PARVA: variants seen among roughly 807,000 people sequenced by gnomAD.
The protein encoded by PARVA is alpha-parvin.
A neutral mutation model predicts 52.6 loss-of-function variants in PARVA; 25 were observed. The ratio of observed to expected loss-of-function variants is 0.48; its 90% CI spans 0.35 to 0.66. The LOEUF (loss-of-function observed/expected upper bound fraction) is 0.66, where lower values mean the gene tolerates loss of function less well. PARVA is among the 30% of genes least tolerant of loss of function. The pLI, the probability that PARVA is intolerant of heterozygous loss-of-function variation, is 0.01. For synonymous variants in PARVA, 185 were observed against 179.1 expected, an observed-to-expected ratio of 1.03 and a Z score of -0.26; for missense variants, 373 against 450.9, an observed-to-expected ratio of 0.83 and a Z score of 1.56.
At chr11:12,513,617 C>T (rs1319143419) in intron 9 of PARVA, 3 of 642,298 alleles carry the variant, frequency 4.7e-6, no homozygotes, top group East Asian at 2.8e-5. Flanking sequence ...CAGCCTTCCC[C>T]ACTCCTCACA....
intron 1 of PARVA, among the ~76,000 whole-genome samples, chr11:12,441,151 A>G (rs769050798): frequency 3.9e-5 from 6 of 152,198 alleles, no homozygotes; most frequent in Non-Finnish European, 8.8e-5. Flanking sequence ...CATAATCCAC[A>G]GAGGCCCCAG....
chr11:12,492,528 T>C (rs1261346269), intron 4 of PARVA, among the ~76,000 whole-genome samples: 1 of 152,024 alleles, frequency 6.6e-6, no homozygotes, highest in Non-Finnish European at 1.5e-5. Context: ...TATTAAGCTA[T>C]AGAAATATTA....
chr11:12,434,999 C>T (rs1940368004), intron 1 of PARVA, among the ~76,000 whole-genome samples: 1 of 152,170 alleles, frequency 6.6e-6, no homozygotes, highest in South Asian at 2.1e-4. Context: ...CCGTATTCAC[C>T]AAATGTCTTG....
intron 5 of PARVA, among the ~76,000 whole-genome samples, chr11:12,500,863 C>T (rs549219403): frequency 2.0e-5 from 3 of 152,006 alleles, no homozygotes; most frequent in South Asian, 4.2e-4. Flanking sequence ...AATCCCAGCA[C>T]TTTGGGAGGC....
At chr11:12,401,839 T>G (rs1939832667) in intron 1 of PARVA, among the ~76,000 whole-genome samples, 1 of 152,250 alleles carries the variant, frequency 6.6e-6, no homozygotes, top group African/African-American at 2.4e-5. Flanking sequence ...CAATACTTAC[T>G]GCACAGTAGC....
chr11:12,503,459 G>A (rs911600640), intron 5 of PARVA, among the ~76,000 whole-genome samples: 1 of 152,068 alleles, frequency 6.6e-6, no homozygotes, highest in African/African-American at 2.4e-5. Context: ...GAGCTGATCT[G>A]AGCTCAGAGC....
At chr11:12,432,806 T>C (rs7104630) in intron 1 of PARVA, among the ~76,000 whole-genome samples, 27,980 of 152,136 alleles carry the variant, frequency 0.18, 4,701 homozygotes, top group African/African-American at 0.45. Context: ...AAGCCAGGCA[T>C]AGCCATTGTA....
At chr11:12,444,366 A>G (rs576661412) in intron 1 of PARVA, among the ~76,000 whole-genome samples, 1 of 152,290 alleles carries the variant, frequency 6.6e-6, no homozygotes, top group South Asian at 2.1e-4. Context: ...AGCTTAGACA[A>G]TTAATACTCA....
At position 12,474,778 on chromosome 11, in the gene PARVA, G is replaced by T. The variant is rs139222397; in HGVS notation, c.297+795G>T. On this transcript the variant is annotated intron_variant, in intron 3 of 12. Transcript: ENST00000334956. ...AAAGTAGCCAAGTGTGGTGGCGCAT[G>T]ACTGTAATCCCAGACCATCTCTACT... Among the ~76,000 whole-genome samples, 268 of 151,004 alleles carry T rather than the reference G, an allele frequency of 1.8e-3. 1 individual carries two copies. Among genetic ancestry groups the T allele is most frequent in the African/African-American group, 6.0e-3 (244 of 40,624 alleles).
In PARVA at chr11:12,508,628, A is replaced by G. The variant is rs937843581; in HGVS notation, c.702A>G (p.Ile234Met). The G allele has an allele frequency of 5.6e-6, 9 of 1,608,374 alleles. No individual in the cohort carries two copies. The African/African-American group carries it at 9.4e-5, about 17-fold the overall frequency. Residue 234 changes from isoleucine (I) to methionine (M), a missense_variant, in exon 7 of 13, where the codon ATA (isoleucine) becomes ATG (methionine). Coordinates refer to ENST00000334956, the MANE Select transcript of PARVA (RefSeq NM_018222.5). ...AGTCTCGGCAAATCCAAGAGGAAAT[A>G]ACTGGTAACACAGAGTATGTCAACA... Reference protein sequence around the residue: ...ILQSRQIQEEITGNTEALSGR... With the variant: ...ILQSRQIQEEMTGNTEALSGR...
chr11:12,387,684 G>A (rs981538640), intron 1 of PARVA, among the ~76,000 whole-genome samples: 2 of 151,094 alleles, frequency 1.3e-5, no homozygotes, highest in Admixed American at 1.3e-4. Flanking sequence ...GAGACCAGAG[G>A]GTCCTAGAGT....
chr11:12,377,302 C>A, upstream of PARVA: 1 of 690,962 alleles, frequency 1.4e-6, no homozygotes, highest in Non-Finnish European at 2.1e-6. Context: ...GTGGTGGGGA[C>A]AGAGCCTGGG....
In PARVA at chr11:12,529,663, C is replaced by T. The variant is rs1941747442; in HGVS notation, c.*1738C>T. On this transcript the variant is annotated 3_prime_UTR_variant, in exon 13 of 13. Coordinates refer to ENST00000334956, the MANE Select transcript of PARVA (RefSeq NM_018222.5). ...GTTAGGCCTCCTATAATGTCCAAAACATTCCTTTCAGCCTTTTTATTTCTT... is the reference window on the plus strand; with the variant it reads ...GTTAGGCCTCCTATAATGTCCAAAATATTCCTTTCAGCCTTTTTATTTCTT... 1 of 152,208 alleles carries T rather than the reference C, an allele frequency of 6.6e-6. No homozygotes were observed. The highest frequency in any genetic ancestry group is 1.9e-4 in the East Asian group (1 of 5,190). The allele number at this position is 152,208 out of a possible 1,614,324, so 9.4% of individuals were successfully genotyped here.
chr11:12,394,326 G>T (rs1939704363), intron 1 of PARVA, among the ~76,000 whole-genome samples: 1 of 152,160 alleles, frequency 6.6e-6, no homozygotes, highest in Non-Finnish European at 1.5e-5. Flanking sequence ...TAGTTGTTTT[G>T]AATCCTGCTT....
At chr11:12,377,503 G>A, upstream of PARVA, 3 of 1,426,180 alleles carry the variant, frequency 2.1e-6, no homozygotes, top group Non-Finnish European at 2.8e-6. Context: ...CGAGGGAAGG[G>A]AAAGGCGAGC....
intron 1 of PARVA, among the ~76,000 whole-genome samples, chr11:12,397,925 G>A (rs2134961830): frequency 6.6e-6 from 1 of 151,738 alleles, no homozygotes; most frequent in South Asian, 2.1e-4. Context: ...AGTCATGGAA[G>A]AGCATCCACA....
intron 4 of PARVA, among the ~76,000 whole-genome samples, chr11:12,492,834 T>TACACACAC (rs35906710): frequency 1.9e-4 from 29 of 149,990 alleles, no homozygotes; most frequent in African/African-American, 4.2e-4. Flanking sequence ...TAGTAATACA[T>TACACACAC]ACACACACAC....
rs1322176167 is a variant in PARVA, at chr11:12,477,894, T to C, written c.345T>C (p.Ile115=). The change falls in exon 4 of 13, where the codon ATT becomes ATC. Residue 115 remains isoleucine, a synonymous_variant. Transcript: ENST00000334956. ...INDVLVGERI[I]VKDLAEDLYD... ...ATGTGTTGGTTGGAGAAAGAATCAT[T>C]GTGAAAGACCTAGCTGAAGATTTGT... is the stretch of plus-strand genomic sequence containing the variant. 1 of 1,611,420 alleles carries C rather than the reference T, an allele frequency of 6.2e-7. No homozygotes were observed. Among genetic ancestry groups the C allele is most frequent in the Non-Finnish European group, 8.5e-7 (1 of 1,177,558 alleles).
At chr11:12,511,065 A>G (rs958661493) in intron 7 of PARVA, among the ~76,000 whole-genome samples, 2 of 152,090 alleles carry the variant, frequency 1.3e-5, no homozygotes, top group African/African-American at 4.8e-5. Context: ...GACAGGAGAG[A>G]GACAAAGCTG....
Sources: allele counts gnomAD v4.1 joint callset (sites outside exome capture counted in the v4.1 genomes callset), GRCh38; gene constraint gnomAD v4.1.1; transcripts MANE v1.5; gene names NCBI Gene and HGNC (gene_info 2026-07-23, HGNC 2026-07-21).